Variants in SPAG16 observed in about 807,000 individuals in gnomAD.
SPAG16 encodes the protein sperm-associated antigen 16 protein.
A neutral mutation model predicts 80.4 loss-of-function variants in SPAG16; 86 were observed. The ratio of observed to expected loss-of-function variants is 1.07; its 90% CI spans 0.90 to 1.28. The LOEUF is 1.28. Ranked by LOEUF, SPAG16 falls within the 50% of genes most tolerant of loss-of-function variation. The pLI, the probability that SPAG16 is intolerant of heterozygous loss-of-function variation, is 0.00. For missense variants in SPAG16, 870 were observed against 765.3 expected (o/e 1.14, Z -1.61); for synonymous variants, 294 against 265.9 (o/e 1.11, Z -1.03).
intron 9 of SPAG16, among the ~76,000 whole-genome samples, chr2:213,421,876 G>T (rs2069610775): frequency 6.6e-6 from 1 of 152,094 alleles, no homozygotes; most frequent in Non-Finnish European, 1.5e-5. Context: ...CCCACTCTGG[G>T]TCTCCTCTCT....
intron 10 of SPAG16, among the ~76,000 whole-genome samples, chr2:213,636,254 G>A (rs1382888886): frequency 2.0e-5 from 3 of 152,108 alleles, no homozygotes; most frequent in African/African-American, 7.2e-5. Flanking sequence ...AAGATCAGTT[G>A]GCTGTAAGTA....
At chr2:213,631,098 G>C (rs550755284) in intron 10 of SPAG16, among the ~76,000 whole-genome samples, 2 of 152,000 alleles carry the variant, frequency 1.3e-5, no homozygotes, top group Non-Finnish European at 2.9e-5. Context: ...AAATGACAAG[G>C]CCCAAAGTAG....
chr2:213,626,483 G>T (rs1574546061), intron 10 of SPAG16, among the ~76,000 whole-genome samples: 1 of 151,968 alleles, frequency 6.6e-6, no homozygotes, highest in South Asian at 2.1e-4. Context: ...GTATAATAAT[G>T]AAAAATATAT....
intron 13 of SPAG16, among the ~76,000 whole-genome samples, chr2:214,045,272 T>G (rs542034203): frequency 6.6e-6 from 1 of 152,290 alleles, no homozygotes; most frequent in East Asian, 1.9e-4. Context: ...TGGATGACGT[T>G]TCTAGATATA....
intron 13 of SPAG16, among the ~76,000 whole-genome samples, chr2:214,083,700 T>C (rs145047055): frequency 9.1e-4 from 138 of 152,254 alleles, no homozygotes; most frequent in African/African-American, 3.1e-3. Flanking sequence ...TCAAGTTTTA[T>C]TCTAGATTTG....
chr2:213,766,644 G>T (rs1415081719), intron 10 of SPAG16, among the ~76,000 whole-genome samples: 2 of 152,122 alleles, frequency 1.3e-5, no homozygotes, highest in African/African-American at 4.8e-5. Context: ...AAACAAAAAG[G>T]CTCTAGTAGT....
intron 10 of SPAG16, among the ~76,000 whole-genome samples, chr2:213,779,483 T>C (rs2069810074): frequency 6.6e-6 from 1 of 152,184 alleles, no homozygotes; most frequent in South Asian, 2.1e-4. Flanking sequence ...CTCTTCTATA[T>C]TTTGGTTTTG....
chr2:213,814,872 A>AATATATATATATATATATATAT (rs34269015), intron 10 of SPAG16, among the ~76,000 whole-genome samples: 6 of 148,200 alleles, frequency 4.0e-5, no homozygotes, highest in African/African-American at 1.5e-4. Flanking sequence ...AACAGCCTTA[A>AATATATATATATATATATATAT]ATATATATAT....
chr2:213,642,918 G>A (rs529267833), intron 10 of SPAG16, among the ~76,000 whole-genome samples: 11 of 147,528 alleles, frequency 7.5e-5, no homozygotes, highest in South Asian at 6.7e-4. Flanking sequence ...CTCAAACATC[G>A]AACTCCACGT....
At chr2:213,407,307 C>A (rs904669210) in intron 9 of SPAG16, among the ~76,000 whole-genome samples, 1 of 152,044 alleles carries the variant, frequency 6.6e-6, no homozygotes, top group Middle Eastern at 3.4e-3. Flanking sequence ...GGCAAGACAC[C>A]CCCTGGTTTG....
At chr2:213,640,096 T>G (rs1329662658) in intron 10 of SPAG16, among the ~76,000 whole-genome samples, 1 of 152,168 alleles carries the variant, frequency 6.6e-6, no homozygotes, top group Non-Finnish European at 1.5e-5. Flanking sequence ...TTGTGATTCT[T>G]TTTTATTTAT....
At chr2:213,914,712 A>C (rs1253984650) in intron 11 of SPAG16, among the ~76,000 whole-genome samples, 2 of 152,168 alleles carry the variant, frequency 1.3e-5, no homozygotes, top group Admixed American at 1.3e-4. Flanking sequence ...ATACTTTATC[A>C]GCATATTTGT....
chr2:214,010,808 A>AAAT (rs1481470542), intron 12 of SPAG16, among the ~76,000 whole-genome samples: 1 of 146,682 alleles, frequency 6.8e-6, no homozygotes, highest in East Asian at 2.0e-4. Context: ...TTACAGATCA[A>AAAT]AATATGTGAT....
At chr2:213,378,833 G>A (rs2067021700) in intron 9 of SPAG16, among the ~76,000 whole-genome samples, 2 of 152,214 alleles carry the variant, frequency 1.3e-5, no homozygotes, top group Admixed American at 6.5e-5. Context: ...TGCCCAGACT[G>A]TGATGTTGTA....
At chr2:213,602,238 T>C (rs976240479) in intron 10 of SPAG16, among the ~76,000 whole-genome samples, 7 of 152,214 alleles carry the variant, frequency 4.6e-5, no homozygotes, top group African/African-American at 1.7e-4. Context: ...GTCTGCACAA[T>C]GACAAAATCA....
chr2:214,006,416 G>T (rs1292639591), intron 12 of SPAG16, among the ~76,000 whole-genome samples: 1 of 152,116 alleles, frequency 6.6e-6, no homozygotes, highest in Non-Finnish European at 1.5e-5. Flanking sequence ...AGACAAATCT[G>T]CTTTACAGCA....
chr2:214,049,139 T>G (rs2049503531), intron 13 of SPAG16, among the ~76,000 whole-genome samples: 1 of 152,222 alleles, frequency 6.6e-6, no homozygotes, highest in African/African-American at 2.4e-5. Context: ...TCTACTATGT[T>G]GCCCAGGCTG....
chr2:213,400,472 T>G (rs887253142), intron 9 of SPAG16, among the ~76,000 whole-genome samples: 1 of 152,200 alleles, frequency 6.6e-6, no homozygotes, highest in African/African-American at 2.4e-5. Flanking sequence ...ATTTGGGTTA[T>G]TATGTATTTG....
At chr2:213,634,936 T>TAATATATATATATATATATATATA (rs1340907579) in intron 10 of SPAG16, among the ~76,000 whole-genome samples, 1 of 151,560 alleles carries the variant, frequency 6.6e-6, no homozygotes, top group African/African-American at 2.4e-5. Context: ...ATTATTTCAC[T>TAATATATATATATATATATATATA]CATATATATA....
Sources: gnomAD v4.1 joint callset for allele counts (sites outside exome capture counted in the v4.1 genomes callset) on GRCh38, gnomAD v4.1.1 for gene constraint, MANE v1.5 for transcripts, NCBI Gene and HGNC (gene_info 2026-07-23, HGNC 2026-07-21) for gene names.